Variants in DHRS7C observed in about 807,000 individuals in gnomAD.
DHRS7C encodes dehydrogenase/reductase 7C.
DHRS7C carries 28 observed loss-of-function variants against 29.6 expected under a neutral mutation model. That is an observed-to-expected ratio of 0.95 (90% CI 0.70 to 1.30). The LOEUF is 1.30. Ranked by LOEUF, DHRS7C falls within the 50% of genes most tolerant of loss-of-function variation. DHRS7C has a pLI of 0.00. For synonymous variants in DHRS7C, 158 were observed against 160.2 expected, an observed-to-expected ratio of 0.99 and a Z score of 0.10; for missense variants, 403 against 393.3, an observed-to-expected ratio of 1.02 and a Z score of -0.21.
intron 1 of DHRS7C, among the ~76,000 whole-genome samples, chr17:9,782,326 T>G (rs916099847): frequency 1.3e-5 from 2 of 152,178 alleles, no homozygotes; most frequent in African/African-American, 4.8e-5. Flanking sequence ...GGAAGCAGAC[T>G]CTGAGACAAG....
chr17:9,773,146 G>A (rs1392249314), intron 4 of DHRS7C, among the ~76,000 whole-genome samples: 1 of 152,188 alleles, frequency 6.6e-6, no homozygotes, highest in African/African-American at 2.4e-5. Context: ...CTGGTGGTGT[G>A]ATGTGATTGT....
intron 1 of DHRS7C, among the ~76,000 whole-genome samples, chr17:9,784,474 A>T (rs1161008330): frequency 6.6e-6 from 1 of 152,160 alleles, no homozygotes; most frequent in African/African-American, 2.4e-5. Flanking sequence ...TCCATCTCAA[A>T]AAAACAAAAC....
At chr17:9,786,592 A>G (rs992113095) in intron 1 of DHRS7C, among the ~76,000 whole-genome samples, 1 of 148,052 alleles carries the variant, frequency 6.8e-6, no homozygotes, top group Non-Finnish European at 1.5e-5. Context: ...TGTTCTTTTT[A>G]CTTAAAAAAA....
chr17:9,772,120 G>A (rs1597921825), intron 5 of DHRS7C, among the ~76,000 whole-genome samples: 1 of 152,116 alleles, frequency 6.6e-6, no homozygotes, highest in African/African-American at 2.4e-5. Context: ...AGAGCCTTGG[G>A]CAAGGTGTAG....
intron 1 of DHRS7C, among the ~76,000 whole-genome samples, chr17:9,788,347 T>C (rs968000867): frequency 2.0e-5 from 3 of 152,014 alleles, no homozygotes; most frequent in Non-Finnish European, 4.4e-5. Context: ...GCTGGGATTA[T>C]AGGCAAGAGC....
At chr17:9,782,852 G>T (rs1318279975) in intron 1 of DHRS7C, 1 of 152,286 alleles carries the variant, frequency 6.6e-6, no homozygotes, top group Non-Finnish European at 1.5e-5. Flanking sequence ...GGTGCCCAGT[G>T]GAGGCTGAAT....
chr17:9,778,323 G>A (rs2066374080), intron 3 of DHRS7C, among the ~76,000 whole-genome samples: 1 of 151,738 alleles, frequency 6.6e-6, no homozygotes. Context: ...GAACCTGGGA[G>A]GTGGAGGTTG....
chr17:9,784,720 AG>A (rs1455600748), intron 1 of DHRS7C, among the ~76,000 whole-genome samples: 1 of 152,244 alleles, frequency 6.6e-6, no homozygotes, highest in Non-Finnish European at 1.5e-5. Flanking sequence ...ACAGAAGGTG[AG>A]TCAATACCAG....
intron 1 of DHRS7C, among the ~76,000 whole-genome samples, chr17:9,784,544 A>G (rs1270740272): frequency 1.3e-5 from 2 of 152,210 alleles, no homozygotes; most frequent in Non-Finnish European, 2.9e-5. Flanking sequence ...ACCCATAAGT[A>G]AAGGACAAGA....
At chr17:9,781,882 G>T (rs919954603) in intron 1 of DHRS7C, among the ~76,000 whole-genome samples, 1 of 152,190 alleles carries the variant, frequency 6.6e-6, no homozygotes, top group African/African-American at 2.4e-5. Context: ...ACAGAAGGAT[G>T]AACCTGCCCA....
intron 2 of DHRS7C, 56 bp from the exon 3 acceptor site, chr17:9,780,091 C>A: frequency 6.7e-7 from 1 of 1,496,322 alleles, no homozygotes; most frequent in South Asian, 1.2e-5. Flanking sequence ...CTCTTGCAGA[C>A]CTTGGGAGCC....
chr17:9,789,753 C>T (rs932580462), intron 1 of DHRS7C, among the ~76,000 whole-genome samples: 2 of 152,188 alleles, frequency 1.3e-5, no homozygotes, highest in Non-Finnish European at 2.9e-5. Flanking sequence ...TTTCGCAAAG[C>T]CTTCTGTTCT....
At chr17:9,780,118 C>A in intron 2 of DHRS7C, 83 bp from the exon 3 acceptor site, 2 of 1,194,508 alleles carry the variant, frequency 1.7e-6, no homozygotes, top group Non-Finnish European at 2.3e-6. Flanking sequence ...CTAAAAGCCA[C>A]CCATTTTGAA....
In DHRS7C at chr17:9,774,401, T is replaced by C. The variant is rs1420990196; in HGVS notation, c.572-1479A>G. On this transcript the variant is annotated intron_variant, in intron 4 of 5. Transcript: ENST00000571134. The surrounding 1 kb of genome is among the most constrained non-coding windows in gnomAD (Gnocchi z 5.0). ...CCGGGCTCAAGCAATTCTCCAGCCT[T>C]AGCCTCCCGAGTAACTGAGATTATG... Among the ~76,000 whole-genome samples the C allele has an allele frequency of 2.0e-5, 3 of 152,294 alleles. No homozygotes were observed. Among genetic ancestry groups the C allele is most frequent in the African/African-American group, 4.8e-5 (2 of 41,564 alleles).
chr17:9,771,718 C>G (rs1459468548), intron 5 of DHRS7C, 22 bp from the exon 6 acceptor site: 1 of 1,425,588 alleles, frequency 7.0e-7, no homozygotes, highest in Non-Finnish European at 9.3e-7. Context: ...CAGTTGGGGG[C>G]GGGGGTTATG....
chr17:9,772,851 CA>C lies in DHRS7C; in HGVS notation c.642del (p.Val215SerfsTer5), dbSNP rs775986407. The C allele has an allele frequency of 6.2e-7, 1 of 1,613,972 alleles. No individual in the cohort carries two copies. The highest frequency in any genetic ancestry group is 8.5e-7 in the Non-Finnish European group (1 of 1,179,890). On this transcript the variant is annotated frameshift_variant, in exon 5 of 6. Transcript: ENST00000571134. LOFTEE classifies it high-confidence loss of function. ...AAAGTCGGGCTCACGGTGCTGATGA[CA>C]ACATCGTATTCCTCCACTTCGGCTC... ...CLRAEVEEYD[V>X]VISTVSPTFI...
intron 1 of DHRS7C, among the ~76,000 whole-genome samples, chr17:9,782,730 G>A (rs1410779968): frequency 6.6e-6 from 1 of 152,240 alleles, no homozygotes; most frequent in Non-Finnish European, 1.5e-5. Flanking sequence ...CAGGGATCTG[G>A]AAGAGGCACC....
At chr17:9,788,361 C>T (rs1380920331) in intron 1 of DHRS7C, among the ~76,000 whole-genome samples, 1 of 152,154 alleles carries the variant, frequency 6.6e-6, no homozygotes, top group Non-Finnish European at 1.5e-5. Flanking sequence ...CAAGAGCCCC[C>T]ACCCCCAGCT....
chr17:9,771,465 G>A lies in DHRS7C; in HGVS notation c.*23C>T. ...CCAGAAAAACCTTTATTTCCAAGGG[G>A]TGGCCCATTTGGCCTCCTGCAGTTA... is the stretch of plus-strand genomic sequence containing the variant. On this transcript the variant is annotated 3_prime_UTR_variant, in exon 6 of 6. Coordinates refer to ENST00000571134, the MANE Select transcript of DHRS7C (RefSeq NM_001105571.3). 6.8e-7 allele frequency: 1 copy of A among 1,469,754 alleles called. No individual in the cohort carries two copies. Among genetic ancestry groups the A allele is most frequent in the South Asian group, 1.5e-5 (1 of 68,696 alleles). 91.0% of individuals were successfully genotyped at this position (1,469,754 alleles called of 1,614,324 possible).
Sources: gnomAD v4.1 joint callset for allele counts (sites outside exome capture counted in the v4.1 genomes callset) on GRCh38, gnomAD v4.1.1 for gene constraint, Gnocchi (gnomAD v3.1) non-coding constraint, MANE v1.5 for transcripts, NCBI Gene and HGNC (gene_info 2026-07-23, HGNC 2026-07-21) for gene names.